Variants in PAN3 observed in about 807,000 individuals in gnomAD.
PAN3 encodes poly(A) specific ribonuclease subunit PAN3.
PAN3 carries 19 observed loss-of-function variants against 96.2 expected under a neutral mutation model. That is an observed-to-expected ratio of 0.20 (90% CI 0.14 to 0.29). The LOEUF (loss-of-function observed/expected upper bound fraction) is 0.29, where lower values mean the gene tolerates loss of function less well. PAN3 is among the 10% of genes least tolerant of loss of function. The pLI, the probability that PAN3 is intolerant of heterozygous loss-of-function variation, is 1.00. For synonymous variants in PAN3, 433 were observed against 406.6 expected (o/e 1.06, Z -0.78); for missense variants, 882 against 1,108.1 (o/e 0.80, Z 2.90).
intron 2 of PAN3, among the ~76,000 whole-genome samples, chr13:28,174,667 G>C (rs983432846): frequency 2.0e-5 from 3 of 152,100 alleles, no homozygotes; most frequent in Admixed American, 2.0e-4. Context: ...ATGTATGTTA[G>C]TTAAACTTGG....
chr13:28,164,205 ATAACTT>A (rs889555519), intron 1 of PAN3, among the ~76,000 whole-genome samples: 20 of 152,224 alleles, frequency 1.3e-4, no homozygotes, highest in Non-Finnish European at 2.5e-4. Flanking sequence ...GTTTTTTAAA[ATAACTT>A]TAAGATATTG....
intron 1 of PAN3, among the ~76,000 whole-genome samples, chr13:28,160,032 G>A (rs1414520707): frequency 6.6e-6 from 1 of 151,750 alleles, no homozygotes; most frequent in East Asian, 1.9e-4. Flanking sequence ...CTGCCTCCTG[G>A]GTTCACGTGA....
intron 1 of PAN3, among the ~76,000 whole-genome samples, chr13:28,161,631 A>G (rs1290831498): frequency 6.6e-6 from 1 of 152,188 alleles, no homozygotes; most frequent in African/African-American, 2.4e-5. Context: ...TGTGTGGTTA[A>G]ACAAATGAGA....
In PAN3 at chr13:28,223,396, T is replaced by C. The variant is rs1183233297; in HGVS notation, c.1000+3018T>C. Among the ~76,000 whole-genome samples the C allele has an allele frequency of 3.3e-5, 5 of 152,310 alleles. No homozygotes were observed. In the East Asian group the frequency reaches 9.6e-4, roughly 29 times the overall value. ...TCTAAGTATCTTTTGTGAAGTTAGT[T>C]GTTTTAATGATACTAAAGATATGGC... On this transcript the variant is annotated intron_variant, in intron 6 of 18. Coordinates refer to ENST00000380958, the MANE Select transcript of PAN3 (RefSeq NM_175854.8).
In PAN3 at chr13:28,294,829, CTTTG is replaced by C. The variant is rs1435085127; in HGVS notation, c.*2311_*2314del. On this transcript the variant is annotated 3_prime_UTR_variant, in exon 19 of 19. Transcript: ENST00000380958. ...GTCAGGTAATGCATATTTTTTTAAG[CTTTG>C]TTTTATATTTATTTTTCATTTAGTT... 1 of 151,978 alleles carries C rather than the reference CTTTG, an allele frequency of 6.6e-6. No homozygotes were observed. Among genetic ancestry groups the C allele is most frequent in the East Asian group, 1.9e-4 (1 of 5,198 alleles). The allele number at this position is 151,978 out of a possible 1,614,324, so 9.4% of individuals were successfully genotyped here.
chr13:28,184,183 A>G (rs1021688710), intron 4 of PAN3, among the ~76,000 whole-genome samples: 5 of 152,218 alleles, frequency 3.3e-5, no homozygotes, highest in African/African-American at 9.6e-5. Context: ...TTCTTGCAAC[A>G]TAATTGCAGA....
At chr13:28,144,215 T>G (rs1273328447) in intron 1 of PAN3, among the ~76,000 whole-genome samples, 4 of 138,062 alleles carry the variant, frequency 2.9e-5, no homozygotes, top group Admixed American at 7.1e-5. Context: ...TTTTTTGTTT[T>G]TTTTTTTTTT....
intron 6 of PAN3, among the ~76,000 whole-genome samples, chr13:28,229,799 A>G (rs1006691956): frequency 6.6e-6 from 1 of 152,120 alleles, no homozygotes; most frequent in African/African-American, 2.4e-5. Context: ...GAGGCTTGTT[A>G]AACTCCAGCA....
intron 1 of PAN3, among the ~76,000 whole-genome samples, chr13:28,143,434 T>C (rs1175061970): frequency 6.6e-6 from 1 of 152,224 alleles, no homozygotes; most frequent in Non-Finnish European, 1.5e-5. Flanking sequence ...AGGTAAAATA[T>C]GCCAATATTT....
At chr13:28,177,807 T>C (rs376509527) in intron 3 of PAN3, 58 bp from the exon 4 acceptor site, 214 of 1,377,128 alleles carry the variant, frequency 1.6e-4, no homozygotes, top group South Asian at 1.5e-3. Flanking sequence ...TAAACAGTTA[T>C]TAGATTTGCG....
intron 9 of PAN3, among the ~76,000 whole-genome samples, chr13:28,263,146 T>C (rs548722045): frequency 6.6e-6 from 1 of 152,278 alleles, no homozygotes; most frequent in East Asian, 1.9e-4. Flanking sequence ...ATGAAGAATT[T>C]GTTTGTGTAT....
chr13:28,198,567 T>C (rs1164458967), intron 5 of PAN3, among the ~76,000 whole-genome samples: 4 of 152,202 alleles, frequency 2.6e-5, no homozygotes, highest in Non-Finnish European at 5.9e-5. Context: ...TATAATATTT[T>C]GAAGTACCAA....
At chr13:28,266,112 T>G (rs2138644399) in intron 9 of PAN3, among the ~76,000 whole-genome samples, 1 of 152,316 alleles carries the variant, frequency 6.6e-6, no homozygotes, top group South Asian at 2.1e-4. Flanking sequence ...ATAAAACATT[T>G]GGCAAATACA....
intron 6 of PAN3, among the ~76,000 whole-genome samples, chr13:28,234,362 A>T (rs936156018): frequency 1.3e-5 from 2 of 152,160 alleles, no homozygotes; most frequent in Non-Finnish European, 2.9e-5. Flanking sequence ...AATAATTAGA[A>T]GAAAACTTTA....
chr13:28,154,455 G>A (rs1269623914), intron 1 of PAN3, among the ~76,000 whole-genome samples: 1 of 151,672 alleles, frequency 6.6e-6, no homozygotes, highest in Non-Finnish European at 1.5e-5. Flanking sequence ...ACTTCCTTAA[G>A]AGCCAGTTTG....
intron 1 of PAN3, among the ~76,000 whole-genome samples, chr13:28,142,500 A>G (rs1869987612): frequency 7.0e-6 from 1 of 143,480 alleles, no homozygotes; most frequent in African/African-American, 2.9e-5. Context: ...AGGCAGTTAA[A>G]ATAGATGGCA....
chr13:28,138,638 G>A lies in PAN3; in HGVS notation c.-20G>A, dbSNP rs1869117249. On this transcript the variant is annotated 5_prime_UTR_variant, in exon 1 of 19. Transcript: ENST00000380958. ...GGCGGCTCCTCGGGCGGCGGCGGAA[G>A]ACGAGGCTGCGGCGTTGCCATGAAC... 2 of 554,536 alleles carry A rather than the reference G, an allele frequency of 3.6e-6. No individual in the cohort carries two copies. The highest frequency in any genetic ancestry group is 3.5e-5 in the East Asian group (1 of 28,610). The allele number at this position is 554,536 out of a possible 1,614,324, so 34.4% of individuals were successfully genotyped here.
Position 28,267,201 on chromosome 13 carries a change from T to G in PAN3, c.1680T>G (p.Phe560Leu). 1 of 1,613,138 alleles carries G rather than the reference T, an allele frequency of 6.2e-7. No individual in the cohort carries two copies. The highest frequency in any genetic ancestry group is 1.1e-5 in the South Asian group (1 of 91,048). The change falls in exon 11 of 19, where the codon TTT becomes TTG. Residue 560 changes from phenylalanine to leucine, a missense_variant. Physicochemically the swap from Phe to Leu is conservative, Grantham distance 22. Transcript: ENST00000380958. ...TLREVFTTKAFAEPSLVFAYD... is the reference protein window; with the variant it reads ...TLREVFTTKALAEPSLVFAYD... ...GTGAAGTATTTACCACTAAAGCATT[T>G]GCTGAGCCCTGTGAGTAACTTGTAA...
chr13:28,247,046 C>G (rs1884263226), intron 6 of PAN3, among the ~76,000 whole-genome samples: 1 of 152,038 alleles, frequency 6.6e-6, no homozygotes, highest in African/African-American at 2.4e-5. Flanking sequence ...CAACAGCATA[C>G]CAATGTTCTC....
Sources: allele counts gnomAD v4.1 joint callset (sites outside exome capture counted in the v4.1 genomes callset), GRCh38; gene constraint gnomAD v4.1.1; transcripts MANE v1.5; gene names NCBI Gene and HGNC (gene_info 2026-07-23, HGNC 2026-07-21).